The following CXCR4 variants were observed in gnomAD, a reference collection of about 807,000 sequenced individuals.
CXCR4 encodes C-X-C motif chemokine receptor 4.
In CXCR4, 6 loss-of-function variants were observed where a neutral mutation model predicts 22.4. That is an observed-to-expected ratio of 0.27 (90% CI 0.15 to 0.53). The LOEUF (loss-of-function observed/expected upper bound fraction) is 0.53, where lower values mean the gene tolerates loss of function less well. Among genes scored for constraint, CXCR4 ranks in the 20% least tolerant of loss-of-function variants. CXCR4 has a pLI of 0.96. For missense variants in CXCR4, 300 were observed against 430.4 expected (o/e 0.70, Z 2.68); for synonymous variants, 155 against 171.7 (o/e 0.90, Z 0.76).
Position 136,115,867 on chromosome 2 carries a change from A to C in CXCR4, c.61T>G (p.Tyr21Asp). Residue 21 changes from tyrosine (Y) to aspartate (D), a missense_variant, in exon 2 of 2, where the codon TAT (tyrosine) becomes GAT (aspartate). This residue lies in a region of CXCR4 where 118 missense variants were observed against 188.2 expected (regional missense o/e 0.63). Coordinates refer to ENST00000241393, the MANE Select transcript of CXCR4 (RefSeq NM_003467.3). This position sits in a 1 kb window ranked among gnomAD's most constrained non-coding sequence, Gnocchi z 6.4. ...AAACAGGGTTCCTTCATGGAGTCAT[A>C]GTCCCCTGAGCCCATTTCCTCGGTG... ...NYTEEMGSGD[Y>D]DSMKEPCFRE... 1 of 1,614,230 alleles carries C rather than the reference A, an allele frequency of 6.2e-7. No individual in the cohort carries two copies. Among genetic ancestry groups the C allele is most frequent in the East Asian group, 2.2e-5 (1 of 44,892 alleles).
chr2:136,117,805 G>A, intron 1 of CXCR4: 2 of 520,088 alleles, frequency 3.8e-6, no homozygotes, highest in Non-Finnish European at 3.4e-6. Flanking sequence ...GACACATGCA[G>A]CCACTGGAAC....
chr2:136,117,896 G>C, intron 1 of CXCR4, 150 bp downstream of exon 1: 1 of 309,538 alleles, frequency 3.2e-6, no homozygotes, highest in Non-Finnish European at 6.0e-6. Context: ...GCACTATATA[G>C]GCATGGTCAA....
chr2:136,116,989 G>A (rs1219550778), intron 1 of CXCR4, among the ~76,000 whole-genome samples: 1 of 152,256 alleles, frequency 6.6e-6, no homozygotes, highest in Non-Finnish European at 1.5e-5. Flanking sequence ...GCTCCGCCGC[G>A]AGCGTCTTTG....
chr2:136,117,869 T>TCCGCCCCCCC, intron 1 of CXCR4, 177 bp downstream of exon 1: 1 of 170,812 alleles, frequency 5.9e-6, no homozygotes, highest in South Asian at 7.0e-5. Flanking sequence ...CCAATCCTGC[T>TCCGCCCCCCC]CCCCCCCCAC....
Position 136,115,637 on chromosome 2 carries a change from A to G in CXCR4, c.291T>C (p.Asp97=). ...FVITLPFWAV[D]AVANWYFGNF... ...TCCCAAAGTACCAGTTTGCCACGGC[A>G]TCAACTGCCCAGAAGGGAAGCGTGA... Residue 97 remains aspartate, a synonymous_variant, in exon 2 of 2, where the codon GAT becomes GAC. Transcript: ENST00000241393. This position sits in a 1 kb window ranked among gnomAD's most constrained non-coding sequence, Gnocchi z 6.4. 6.2e-7 allele frequency: 1 copy of G among 1,614,230 alleles called. No homozygotes were observed. The highest frequency in any genetic ancestry group is 2.2e-5 in the East Asian group (1 of 44,888).
chr2:136,117,894 T>G (rs1684961992), intron 1 of CXCR4, among the ~76,000 whole-genome samples, 152 bp downstream of exon 1: 2 of 107,274 alleles, frequency 1.9e-5, no homozygotes, highest in Non-Finnish European at 3.5e-5. Flanking sequence ...CCGCACTATA[T>G]AGGCATGGTC....
rs374208016 is a variant in CXCR4 at position 136,114,861 on chromosome 2, C to T, written c.*8G>A. On this transcript the variant is annotated 3_prime_UTR_variant, in exon 2 of 2. Coordinates refer to ENST00000241393, the MANE Select transcript of CXCR4 (RefSeq NM_003467.3). ...TTATCGTATAAAAAAAAGTCTTTTACATCTGTGTTAGCTGGAGTGAAAACT... is the reference window on the plus strand; with the variant it reads ...TTATCGTATAAAAAAAAGTCTTTTATATCTGTGTTAGCTGGAGTGAAAACT... 5.0e-6 allele frequency: 8 copies of T among 1,595,778 alleles called. No homozygotes were observed. The highest frequency in any genetic ancestry group is 6.8e-6 in the Non-Finnish European group (8 of 1,169,434).
At position 136,114,789 on chromosome 2, in the gene CXCR4, G is replaced by A; in HGVS notation, c.*80C>T. ...CAAGCAATAAAAACTGTACAATATT[G>A]GTCAGTCTTTTATATCTGAAAAATG... On this transcript the variant is annotated 3_prime_UTR_variant, in exon 2 of 2. Transcript: ENST00000241393. 8.0e-7 allele frequency: 1 copy of A among 1,248,832 alleles called. No individual in the cohort carries two copies. The highest frequency in any genetic ancestry group is 1.1e-6 in the Non-Finnish European group (1 of 877,260). The allele number at this position is 1,248,832 out of a possible 1,614,324, so 77.4% of individuals were successfully genotyped here.
Position 136,115,039 on chromosome 2 carries a change from G to C in CXCR4, c.889C>G (p.Leu297Val). 1 of 1,614,188 alleles carries C rather than the reference G, an allele frequency of 6.2e-7. No homozygotes were observed. Among genetic ancestry groups the C allele is most frequent in the Non-Finnish European group, 8.5e-7 (1 of 1,180,034 alleles). Residue 297 changes from leucine to valine, a missense_variant, in exon 2 of 2, where the codon CTG becomes GTG. Leu to Val is a conservative substitution (Grantham distance 32). Coordinates refer to ENST00000241393, the MANE Select transcript of CXCR4 (RefSeq NM_003467.3). The surrounding 1 kb of genome is among the most constrained non-coding windows in gnomAD (Gnocchi z 6.4). Reference protein sequence around the residue: ...TEALAFFHCCLNPILYAFLGA... With the variant: ...TEALAFFHCCVNPILYAFLGA... ...AGGAAAGCATAGAGGATGGGGTTCA[G>C]ACAACAGTGGAAGAAAGCTAGGGCC...
At position 136,115,994 on chromosome 2, in the gene CXCR4, T is replaced by TA; in HGVS notation, c.16-83dup. The TA allele has an allele frequency of 6.2e-7, 1 of 1,609,896 alleles. No individual in the cohort carries two copies. The highest frequency in any genetic ancestry group is 8.5e-7 in the Non-Finnish European group (1 of 1,178,336). ...GTTAAAAAAAATTTTTAAAGCAATT[T>TA]AAAAAACCAATTCAGGCTTGCTTTC... On this transcript the variant is annotated intron_variant, in intron 1 of 1. Coordinates refer to ENST00000241393, the MANE Select transcript of CXCR4 (RefSeq NM_003467.3). The surrounding 1 kb of genome is among the most constrained non-coding windows in gnomAD (Gnocchi z 6.4).
chr2:136,118,083 G>A lies in CXCR4; in HGVS notation c.-23C>T. Reference sequence around the variant, plus strand: ...CATGGTAACCGCTGGTTCTCCAGATGCGGTGGCTACTGGAGCACTCAGGCC... The same window carrying A: ...CATGGTAACCGCTGGTTCTCCAGATACGGTGGCTACTGGAGCACTCAGGCC... On this transcript the variant is annotated 5_prime_UTR_variant, in exon 1 of 2. Coordinates refer to ENST00000241393, the MANE Select transcript of CXCR4 (RefSeq NM_003467.3). The A allele has an allele frequency of 1.2e-6, 2 of 1,613,376 alleles. No individual in the cohort carries two copies. The highest frequency in any genetic ancestry group is 1.7e-6 in the Non-Finnish European group (2 of 1,179,448).
intron 1 of CXCR4, 91 bp downstream of exon 1, chr2:136,117,955 T>C: frequency 8.4e-7 from 1 of 1,183,530 alleles, no homozygotes; most frequent in Middle Eastern, 2.2e-4. Flanking sequence ...ACCTCCAATG[T>C]CCTGGCCGCT....
rs561155814 is a variant in CXCR4, at chr2:136,115,971, TA to T, written c.16-60del. 1.2e-4 allele frequency: 193 copies of T among 1,613,180 alleles called. No individual in the cohort carries two copies. In the African/African-American group the frequency reaches 2.3e-3, roughly 19 times the overall value. ...CCAATTCAGCAAGCATTAACCCAGT[TA>T]AAAAAAATTTTTAAAGCAATTTAAA... On this transcript the variant is annotated intron_variant, in intron 1 of 1. Coordinates refer to ENST00000241393, the MANE Select transcript of CXCR4 (RefSeq NM_003467.3). This position sits in a 1 kb window ranked among gnomAD's most constrained non-coding sequence, Gnocchi z 6.4.
chr2:136,117,319 G>A lies in CXCR4; in HGVS notation c.15+727C>T, dbSNP rs6712264. 6.1e-3 allele frequency among the ~76,000 whole-genome samples: 919 copies of A among 150,090 alleles called. 9 individuals are homozygous for A. Among genetic ancestry groups the A allele is most frequent in the African/African-American group, 0.021 (861 of 40,716 alleles). ...CTCTCGAACTGCAGGACCCACTCGC[G>A]GCCGTGGGGAAGAGGCGCGCTTCGG... On this transcript the variant is annotated intron_variant, in intron 1 of 1. Coordinates refer to ENST00000241393, the MANE Select transcript of CXCR4 (RefSeq NM_003467.3).
Position 136,115,670 on chromosome 2 carries a change from G to A in CXCR4, c.258C>T (p.Leu86=). 1 of 1,614,240 alleles carries A rather than the reference G, an allele frequency of 6.2e-7. No homozygotes were observed. The highest frequency in any genetic ancestry group is 2.2e-5 in the East Asian group (1 of 44,886). The change falls in exon 2 of 2, where the codon CTC becomes CTT. Residue 86 remains leucine, a synonymous_variant. Transcript: ENST00000241393. The surrounding 1 kb of genome is among the most constrained non-coding windows in gnomAD (Gnocchi z 6.4). ...CCCAGAAGGGAAGCGTGATGACAAA[G>A]AGGAGGTCGGCCACTGACAGGTGCA... is the stretch of plus-strand genomic sequence containing the variant. The part of the protein sequence containing the change: ...YRLHLSVADL[L]FVITLPFWAV...
rs2104916305 is a variant in CXCR4 at position 136,115,276 on chromosome 2, A to G, written c.652T>C (p.Cys218Arg). ...LILPGIVILS[C>R]YCIIISKLSH... The stretch of plus-strand genomic sequence containing the variant: ...AGCTTGGAGATGATAATGCAATAGC[A>G]GGACAGGATGACAATACCAGGCAGG... The change falls in exon 2 of 2, where the codon TGC becomes CGC. Residue 218 changes from cysteine (C) to arginine (R), a missense_variant. Physicochemically the swap from Cys to Arg is radical, Grantham distance 180. Transcript: ENST00000241393. This position sits in a 1 kb window ranked among gnomAD's most constrained non-coding sequence, Gnocchi z 6.4. 2.5e-6 allele frequency: 4 copies of G among 1,614,194 alleles called. No individual in the cohort carries two copies. The highest frequency in any genetic ancestry group is 3.4e-6 in the Non-Finnish European group (4 of 1,180,044).
chr2:136,117,869 T>TGCCCCCCCCCC, intron 1 of CXCR4, 177 bp downstream of exon 1: 1 of 170,812 alleles, frequency 5.9e-6, no homozygotes, highest in South Asian at 7.0e-5. Context: ...CCAATCCTGC[T>TGCCCCCCCCCC]CCCCCCCCAC....
chr2:136,117,673 G>T (rs1161480305), intron 1 of CXCR4: 1 of 207,608 alleles, frequency 4.8e-6, no homozygotes, highest in Admixed American at 6.1e-5. Context: ...GCTTCCCCAA[G>T]GAAGAGACCG....
rs1354401492 is a variant in CXCR4, at chr2:136,115,393, C to T, written c.535G>A (p.Glu179Lys). 4 of 1,614,066 alleles carry T rather than the reference C, an allele frequency of 2.5e-6. No individual in the cohort carries two copies. The highest frequency in any genetic ancestry group is 2.7e-5 in the African/African-American group (2 of 74,922). Residue 179 changes from glutamate (E) to lysine (K), a missense_variant, in exon 2 of 2, where the codon GAG (glutamate) becomes AAG (lysine). Physicochemically the swap from Glu to Lys is moderately conservative, Grantham distance 56. This residue lies in a region of CXCR4 where 137 missense variants were observed against 153.2 expected (regional missense o/e 0.89). Coordinates refer to ENST00000241393, the MANE Select transcript of CXCR4 (RefSeq NM_003467.3). The surrounding 1 kb of genome is among the most constrained non-coding windows in gnomAD (Gnocchi z 6.4). ...IPDFIFANVSEADDRYICDRF... is the reference protein window; with the variant it reads ...IPDFIFANVSKADDRYICDRF... Reference sequence around the variant, plus strand: ...TCACAGATATATCTGTCATCTGCCTCACTGACGTTGGCAAAGATGAAGTCG... The same window carrying T: ...TCACAGATATATCTGTCATCTGCCTTACTGACGTTGGCAAAGATGAAGTCG...
Sources: gnomAD v4.1 joint callset for allele counts (sites outside exome capture counted in the v4.1 genomes callset) on GRCh38, gnomAD v4.1.1 for gene constraint, gnomAD v4.1.1 regional missense constraint, Gnocchi (gnomAD v3.1) non-coding constraint, MANE v1.5 for transcripts, NCBI Gene and HGNC (gene_info 2026-07-23, HGNC 2026-07-21) for gene names.